Variants in GALNT18 observed in about 807,000 individuals in gnomAD.
GALNT18 encodes polypeptide N-acetylgalactosaminyltransferase 18.
In GALNT18, 44 loss-of-function variants were observed where a neutral mutation model predicts 69.5. The observed-to-expected ratio is 0.63, with a 90% CI of 0.50 to 0.81. The LOEUF is 0.81. Among genes scored for constraint, GALNT18 ranks in the 40% least tolerant of loss-of-function variants. The pLI, the probability that GALNT18 is intolerant of heterozygous loss-of-function variation, is 0.00. For synonymous variants in GALNT18, 364 were observed against 318.2 expected (o/e 1.14, Z -1.53); for missense variants, 715 against 810.0 (o/e 0.88, Z 1.42).
At position 11,469,135 on chromosome 11, in the gene GALNT18, T is replaced by C. The variant is rs1013801037; in HGVS notation, c.236-20199A>G. Among the ~76,000 whole-genome samples, 3 of 152,198 alleles carry C rather than the reference T, an allele frequency of 2.0e-5. No homozygotes were observed. Among genetic ancestry groups the C allele is most frequent in the Admixed American group, 6.5e-5 (1 of 15,276 alleles). On this transcript the variant is annotated intron_variant, in intron 1 of 10. Coordinates refer to ENST00000227756, the MANE Select transcript of GALNT18 (RefSeq NM_198516.3). This position sits in a 1 kb window ranked among gnomAD's most constrained non-coding sequence, Gnocchi z 4.2. ...GTGAATCAGCCAGCTCTGATGATAT[T>C]ATTTTTTGGATCCCGGTAGCCAAGA...
chr11:11,282,430 A>G (rs1849099844), intron 10 of GALNT18, among the ~76,000 whole-genome samples: 2 of 152,236 alleles, frequency 1.3e-5, no homozygotes, highest in Non-Finnish European at 2.9e-5. Context: ...CCTGAGAGGT[A>G]GAGAGAATAA....
chr11:11,347,709 G>A lies in GALNT18; in HGVS notation c.1093-6705C>T, dbSNP rs572442383. Among the ~76,000 whole-genome samples, 4 of 152,258 alleles carry A rather than the reference G, an allele frequency of 2.6e-5. No homozygotes were observed. Among genetic ancestry groups the A allele is most frequent in the East Asian group, 1.9e-4 (1 of 5,174 alleles). ...CTGCTCTCCACATCCATCCAAAGCC[G>A]GCCTGGCCCAGCTCCTCCAAACTCT... On this transcript the variant is annotated intron_variant, in intron 6 of 10. Transcript: ENST00000227756. This position sits in a 1 kb window ranked among gnomAD's most constrained non-coding sequence, Gnocchi z 4.0.
At position 11,382,820 on chromosome 11, in the gene GALNT18, C is replaced by G. The variant is rs1477922126; in HGVS notation, c.596-3556G>C. Among the ~76,000 whole-genome samples, 2 of 151,736 alleles carry G rather than the reference C, an allele frequency of 1.3e-5. No individual in the cohort carries two copies. The highest frequency in any genetic ancestry group is 2.4e-5 in the African/African-American group (1 of 41,252). ...AATAAAGTGTCTTGGTGGGTTAGGA[C>G]AGTAGTATAATTGTGGAAGGAAAAG... On this transcript the variant is annotated intron_variant, in intron 3 of 10. Transcript: ENST00000227756. This position sits in a 1 kb window ranked among gnomAD's most constrained non-coding sequence, Gnocchi z 4.3.
chr11:11,431,741 A>C (rs1855269177), intron 3 of GALNT18, among the ~76,000 whole-genome samples: 1 of 152,244 alleles, frequency 6.6e-6, no homozygotes, highest in Admixed American at 6.5e-5. Flanking sequence ...ATTCACTAGG[A>C]AATTTATTAC....
chr11:11,526,505 CTTTCTTTTAAAAATATA>C (rs1408656494), intron 1 of GALNT18, among the ~76,000 whole-genome samples: 6 of 152,112 alleles, frequency 3.9e-5, no homozygotes, highest in Non-Finnish European at 8.8e-5. Context: ...ATACATCATT[CTTTCTTTTAAAAATATA>C]TTTCTTTTAA....
In GALNT18 at chr11:11,598,988, T is replaced by C. The variant is rs567758230; in HGVS notation, c.235+22371A>G. On this transcript the variant is annotated intron_variant, in intron 1 of 10. Coordinates refer to ENST00000227756, the MANE Select transcript of GALNT18 (RefSeq NM_198516.3). The surrounding 1 kb of genome is among the most constrained non-coding windows in gnomAD (Gnocchi z 4.8). ...GATGAGTTCAATCCTTTGAAATTTA[T>C]TCAGGCTTGTTTTATGGCCTAGTGT... Among the ~76,000 whole-genome samples, 5 of 152,140 alleles carry C rather than the reference T, an allele frequency of 3.3e-5. No individual in the cohort carries two copies. The highest frequency in any genetic ancestry group is 1.2e-4 in the African/African-American group (5 of 41,440).
At chr11:11,569,299 T>A (rs7121652) in intron 1 of GALNT18, among the ~76,000 whole-genome samples, 123,490 of 151,132 alleles carry the variant, frequency 0.82, 50,496 homozygotes, top group East Asian at 0.88. Context: ...GTGAGCTCAA[T>A]GTTTTAGCTT....
At chr11:11,300,957 T>A (rs910423960) in intron 9 of GALNT18, among the ~76,000 whole-genome samples, 6 of 152,314 alleles carry the variant, frequency 3.9e-5, no homozygotes, top group Middle Eastern at 3.4e-3. Context: ...CACACCCTTC[T>A]GGATTCTAGC....
chr11:11,510,144 A>G (rs903229722), intron 1 of GALNT18, among the ~76,000 whole-genome samples: 4 of 152,226 alleles, frequency 2.6e-5, no homozygotes, highest in African/African-American at 4.8e-5. Context: ...GAGCATTACC[A>G]CCAAGTCACA....
intron 3 of GALNT18, among the ~76,000 whole-genome samples, chr11:11,423,250 CAT>C (rs141796968): frequency 3.5e-4 from 53 of 152,334 alleles, no homozygotes; most frequent in Middle Eastern, 6.8e-3. Flanking sequence ...CACACAAACA[CAT>C]GTGTTATATG....
chr11:11,429,258 T>C (rs912071128), intron 3 of GALNT18, among the ~76,000 whole-genome samples: 3 of 152,160 alleles, frequency 2.0e-5, no homozygotes, highest in African/African-American at 4.8e-5. Flanking sequence ...CCACGGAGAC[T>C]GTGCTGTCTT....
chr11:11,338,934 A>T lies in GALNT18; in HGVS notation c.1278+1885T>A, dbSNP rs150814788. ...GGACCCAAGGAGCTACAGAGATTCA[A>T]GGAAAAGGTGAAATCCTATAGGTTA... On this transcript the variant is annotated intron_variant, in intron 7 of 10. Transcript: ENST00000227756. The surrounding 1 kb of genome is among the most constrained non-coding windows in gnomAD (Gnocchi z 5.3). 9.6e-3 allele frequency among the ~76,000 whole-genome samples: 1,467 copies of T among 152,286 alleles called. 14 individuals are homozygous for T. The highest frequency in any genetic ancestry group is 0.044 in the Middle Eastern group (13 of 294).
chr11:11,283,372 C>T (rs1356402678), intron 10 of GALNT18, among the ~76,000 whole-genome samples: 1 of 152,132 alleles, frequency 6.6e-6, no homozygotes, highest in Admixed American at 6.5e-5. Context: ...GTCTCGAACT[C>T]CTGACCTCAG....
chr11:11,413,196 A>G lies in GALNT18; in HGVS notation c.595+19425T>C, dbSNP rs560951639. Among the ~76,000 whole-genome samples the G allele has an allele frequency of 6.6e-6, 1 of 152,204 alleles. No individual in the cohort carries two copies. The highest frequency in any genetic ancestry group is 2.1e-4 in the South Asian group (1 of 4,824). On this transcript the variant is annotated intron_variant, in intron 3 of 10. Transcript: ENST00000227756. The surrounding 1 kb of genome is among the most constrained non-coding windows in gnomAD (Gnocchi z 4.7). ...CTGGGGGAACAGCCTCTCCAAGGAGAAGCTAGAGAAGCTGGGACAAGCCCT... is the reference window on the plus strand; with the variant it reads ...CTGGGGGAACAGCCTCTCCAAGGAGGAGCTAGAGAAGCTGGGACAAGCCCT...
At chr11:11,333,090 G>GA (rs5789678) in intron 7 of GALNT18, among the ~76,000 whole-genome samples, 67,225 of 141,232 alleles carry the variant, frequency 0.48, 15,762 homozygotes, top group Non-Finnish European at 0.54. Context: ...AATCCTTAAA[G>GA]AAAAAAAAAA....
At chr11:11,433,480 A>C (rs1855322902) in intron 2 of GALNT18, among the ~76,000 whole-genome samples, 1 of 152,204 alleles carries the variant, frequency 6.6e-6, no homozygotes, top group Non-Finnish European at 1.5e-5. Flanking sequence ...ACAGAATCCC[A>C]ACTCTGGTCC....
intron 1 of GALNT18, among the ~76,000 whole-genome samples, chr11:11,549,659 C>T (rs1451365173): frequency 6.6e-6 from 1 of 152,226 alleles, no homozygotes; most frequent in Middle Eastern, 3.2e-3. Flanking sequence ...TTCCCATTAT[C>T]CCCATTTCCT....
rs1447275239 is a variant in GALNT18 at position 11,439,408 on chromosome 11, A to G, written c.429-6621T>C. On this transcript the variant is annotated intron_variant, in intron 2 of 10. Coordinates refer to ENST00000227756, the MANE Select transcript of GALNT18 (RefSeq NM_198516.3). The surrounding 1 kb of genome is among the most constrained non-coding windows in gnomAD (Gnocchi z 4.4). ...ATCCCAACCACCTGTGGTCACCTGC[A>G]TAGGTTTGGTTCCTTGCTCCCTGAG... is the stretch of plus-strand genomic sequence containing the variant. 6.6e-6 allele frequency among the ~76,000 whole-genome samples: 1 copy of G among 152,182 alleles called. No homozygotes were observed. The highest frequency in any genetic ancestry group is 2.4e-5 in the African/African-American group (1 of 41,442).
intron 1 of GALNT18, among the ~76,000 whole-genome samples, chr11:11,513,084 C>A (rs920439694): frequency 2.6e-5 from 4 of 152,142 alleles, no homozygotes; most frequent in Non-Finnish European, 5.9e-5. Context: ...CACAGAAATA[C>A]ATCTAGGGGA....
Sources: gnomAD v4.1 joint callset for allele counts (sites outside exome capture counted in the v4.1 genomes callset) on GRCh38, gnomAD v4.1.1 for gene constraint, Gnocchi (gnomAD v3.1) non-coding constraint, MANE v1.5 for transcripts, NCBI Gene and HGNC (gene_info 2026-07-23, HGNC 2026-07-21) for gene names.